The following FSIP1 variants were observed in gnomAD, a reference collection of about 807,000 sequenced individuals.
FSIP1 encodes the protein fibrous sheath-interacting protein 1.
A neutral mutation model predicts 60.9 loss-of-function variants in FSIP1; 65 were observed. That is an observed-to-expected ratio of 1.07 (90% CI 0.87 to 1.31). The LOEUF is 1.31. Among genes scored for constraint, FSIP1 ranks in the 40% most tolerant of loss-of-function variants. The probability of loss-of-function intolerance (pLI) is 0.00; values close to 1 mark genes in which losing one functional copy is unlikely to be tolerated. For synonymous variants in FSIP1, 209 were observed against 221.2 expected (o/e 0.94, Z 0.49); for missense variants, 675 against 665.5 (o/e 1.01, Z -0.16).
At chr15:39,630,569 C>G (rs1000769714) in intron 10 of FSIP1, among the ~76,000 whole-genome samples, 2 of 152,200 alleles carry the variant, frequency 1.3e-5, no homozygotes, top group African/African-American at 4.8e-5. Context: ...GGACCATCTA[C>G]TATGCACCAC....
intron 9 of FSIP1, among the ~76,000 whole-genome samples, chr15:39,724,950 C>T (rs976652462): frequency 6.6e-6 from 1 of 151,988 alleles, no homozygotes; most frequent in African/African-American, 2.4e-5. Context: ...TCCTGGGATA[C>T]GGCCGGATGC....
intron 9 of FSIP1, among the ~76,000 whole-genome samples, chr15:39,726,350 T>G (rs1463604862): frequency 6.6e-6 from 1 of 152,080 alleles, no homozygotes; most frequent in Non-Finnish European, 1.5e-5. Context: ...ATGATCGAGA[T>G]TTAGCTTAAA....
intron 10 of FSIP1, among the ~76,000 whole-genome samples, chr15:39,658,314 G>A (rs939058095): frequency 1.4e-4 from 21 of 148,762 alleles, no homozygotes; most frequent in African/African-American, 4.5e-4. Flanking sequence ...GTATAGTGGC[G>A]CGATCTCAGC....
At chr15:39,748,834 A>G (rs1897077742) in intron 5 of FSIP1, among the ~76,000 whole-genome samples, 1 of 152,158 alleles carries the variant, frequency 6.6e-6, no homozygotes. Flanking sequence ...TAAATCAAAT[A>G]GAGGATAGAA....
chr15:39,642,659 A>G (rs998004408), intron 10 of FSIP1, among the ~76,000 whole-genome samples: 3 of 152,244 alleles, frequency 2.0e-5, no homozygotes, highest in Non-Finnish European at 2.9e-5. Flanking sequence ...CAGTAAAAGT[A>G]CGAAAACCTG....
intron 10 of FSIP1, among the ~76,000 whole-genome samples, chr15:39,658,734 G>T (rs530696773): frequency 6.6e-6 from 1 of 152,310 alleles, no homozygotes; most frequent in South Asian, 2.1e-4. Context: ...CTATTTAGAA[G>T]TTGTATTAAA....
At chr15:39,781,614 C>A (rs1898267369) in intron 1 of FSIP1, among the ~76,000 whole-genome samples, 1 of 152,164 alleles carries the variant, frequency 6.6e-6, no homozygotes, top group Admixed American at 6.5e-5. Flanking sequence ...ACCGTAGATC[C>A]ATACAATGGA....
At chr15:39,717,399 G>A (rs1468257623) in intron 9 of FSIP1, among the ~76,000 whole-genome samples, 1 of 152,138 alleles carries the variant, frequency 6.6e-6, no homozygotes, top group East Asian at 1.9e-4. Context: ...AGAGAGCTTA[G>A]GGTATTTTTT....
intron 6 of FSIP1, among the ~76,000 whole-genome samples, chr15:39,741,158 A>G (rs1422741396): frequency 6.6e-6 from 1 of 152,236 alleles, no homozygotes; most frequent in African/African-American, 2.4e-5. Context: ...TATACTCTTA[A>G]CCAATACAAC....
chr15:39,769,083 T>A (rs7169027), intron 3 of FSIP1, among the ~76,000 whole-genome samples: 16,082 of 151,912 alleles, frequency 0.11, 1,198 homozygotes, highest in East Asian at 0.25. Context: ...ATCGAGACCA[T>A]CCTGGCTAAC....
chr15:39,641,053 T>C (rs1344352722), intron 10 of FSIP1, among the ~76,000 whole-genome samples: 2 of 152,204 alleles, frequency 1.3e-5, no homozygotes, highest in African/African-American at 2.4e-5. Flanking sequence ...TACTAACTTA[T>C]ACATCCCAAA....
chr15:39,752,653 TA>T (rs1300285640), intron 5 of FSIP1, among the ~76,000 whole-genome samples: 1 of 151,608 alleles, frequency 6.6e-6, no homozygotes, highest in South Asian at 2.1e-4. Context: ...TCATTAAAAA[TA>T]AAAAAAGTCT....
intron 10 of FSIP1, among the ~76,000 whole-genome samples, chr15:39,708,395 C>A (rs1242160944): frequency 2.0e-5 from 3 of 152,216 alleles, no homozygotes; most frequent in Admixed American, 1.3e-4. Context: ...CCCAGACAGA[C>A]CATTTCCAAT....
At chr15:39,753,049 A>T (rs770512601) in intron 5 of FSIP1, among the ~76,000 whole-genome samples, 2 of 152,174 alleles carry the variant, frequency 1.3e-5, no homozygotes, top group Non-Finnish European at 2.9e-5. Flanking sequence ...CTGAGATTGC[A>T]TGTTAGTAAA....
At chr15:39,655,139 C>A (rs948563315) in intron 10 of FSIP1, among the ~76,000 whole-genome samples, 1 of 152,166 alleles carries the variant, frequency 6.6e-6, no homozygotes, top group Non-Finnish European at 1.5e-5. Flanking sequence ...TTCCCTCAAA[C>A]TGAAGTTTTC....
chr15:39,602,162 T>C (rs1890663083), intron 11 of FSIP1, among the ~76,000 whole-genome samples: 1 of 152,084 alleles, frequency 6.6e-6, no homozygotes, highest in Non-Finnish European at 1.5e-5. Context: ...ATTCTCTGGG[T>C]GGGCCCTATA....
chr15:39,632,153 CA>C (rs1270935485), intron 10 of FSIP1, among the ~76,000 whole-genome samples: 1 of 152,072 alleles, frequency 6.6e-6, no homozygotes, highest in Non-Finnish European at 1.5e-5. Context: ...TTTAAATCTT[CA>C]AATTTTTATA....
chr15:39,682,489 G>A (rs999124301), intron 10 of FSIP1, among the ~76,000 whole-genome samples: 3 of 152,136 alleles, frequency 2.0e-5, no homozygotes, highest in Non-Finnish European at 4.4e-5. Flanking sequence ...CACAGCCCAC[G>A]GCATTCTCAC....
At chr15:39,675,509 T>C (rs562293447) in intron 10 of FSIP1, among the ~76,000 whole-genome samples, 6 of 152,208 alleles carry the variant, frequency 3.9e-5, no homozygotes, top group African/African-American at 1.4e-4. Flanking sequence ...TGTTATACAG[T>C]CCTAAAAAAG....
Sources: allele counts gnomAD v4.1 joint callset (sites outside exome capture counted in the v4.1 genomes callset), GRCh38; gene constraint gnomAD v4.1.1; transcripts MANE v1.5; gene names NCBI Gene and HGNC (gene_info 2026-07-23, HGNC 2026-07-21).